Variants in COPB1 observed in about 807,000 individuals in gnomAD.
COPB1 encodes the protein coatomer subunit beta.
In COPB1, 21 loss-of-function variants were observed where a neutral mutation model predicts 108.7. The observed-to-expected ratio is 0.19, with a 90% CI of 0.14 to 0.28. The LOEUF is 0.28. COPB1 is among the 10% of genes least tolerant of loss of function. COPB1 has a pLI of 1.00. For missense variants in COPB1, 919 were observed against 1,141.3 expected, an observed-to-expected ratio of 0.81 and a Z score of 2.81; for synonymous variants, 378 against 386.8, an observed-to-expected ratio of 0.98 and a Z score of 0.27.
chr11:14,470,309 A>T (rs1850371633), intron 14 of COPB1, among the ~76,000 whole-genome samples: 1 of 152,128 alleles, frequency 6.6e-6, no homozygotes, highest in Admixed American at 6.5e-5. Flanking sequence ...GATGTTTTGT[A>T]TTTCACCCTG....
At chr11:14,469,642 A>G (rs914716752) in intron 14 of COPB1, 79 bp from the exon 15 acceptor site, 2 of 1,216,006 alleles carry the variant, frequency 1.6e-6, no homozygotes. Context: ...ATAACTCACA[A>G]TCTAAATTTT....
chr11:14,481,837 G>A (rs1421135872), intron 8 of COPB1, among the ~76,000 whole-genome samples: 1 of 151,886 alleles, frequency 6.6e-6, no homozygotes, highest in African/African-American at 2.4e-5. Context: ...CACCCAGGCT[G>A]GAGTGCAGTG....
At chr11:14,474,640 A>C (rs750625763) in intron 13 of COPB1, 25 bp from the exon 14 acceptor site, 1 of 1,611,796 alleles carries the variant, frequency 6.2e-7, no homozygotes, top group Non-Finnish European at 8.5e-7. Context: ...AGGAAAATCA[A>C]ACCCACCAAC....
chr11:14,490,477 A>T, intron 5 of COPB1, 88 bp downstream of exon 5: 1 of 704,454 alleles, frequency 1.4e-6, no homozygotes, highest in Non-Finnish European at 2.2e-6. Context: ...AAACAAAATT[A>T]CTGACTAAAA....
chr11:14,490,700 A>G, intron 4 of COPB1, 21 bp from the exon 5 acceptor site: 2 of 1,312,622 alleles, frequency 1.5e-6, no homozygotes, highest in Non-Finnish European at 2.2e-6. Flanking sequence ...AACAGGTAAC[A>G]TCCATATTTA....
At chr11:14,495,181 A>T (rs1410406936) in intron 2 of COPB1, among the ~76,000 whole-genome samples, 1 of 152,246 alleles carries the variant, frequency 6.6e-6, no homozygotes. Context: ...CACCATTATC[A>T]TTGCATACTG....
In COPB1 at chr11:14,470,899, T is replaced by TACACACAC. The variant is rs56957263; in HGVS notation, c.1738-1344_1738-1337dup. On this transcript the variant is annotated intron_variant, in intron 14 of 21. Transcript: ENST00000439561. ...GAAAATCTAAAACCAGTGGAAGAAATACACACACACACACACACACACACA... is the reference window on the plus strand; with the variant it reads ...GAAAATCTAAAACCAGTGGAAGAAATACACACACACACACACACACACACACACACACA... Among the ~76,000 whole-genome samples the TACACACAC allele has an allele frequency of 3.1e-3, 421 of 134,840 alleles. 1 individual carries two copies. The highest frequency in any genetic ancestry group is 7.9e-3 in the East Asian group (37 of 4,670). The allele number at this position is 134,840 out of a possible 152,430, so 88.5% of individuals were successfully genotyped here. A position where few individuals can be genotyped will look rare whatever the true frequency, so the allele number is the denominator to read the frequency against.
chr11:14,485,549 T>C (rs904304758), intron 7 of COPB1, among the ~76,000 whole-genome samples: 1 of 152,170 alleles, frequency 6.6e-6, no homozygotes, highest in African/African-American at 2.4e-5. Context: ...ACACAGTTGA[T>C]TAAAACATGT....
chr11:14,487,289 T>G (rs371854800), intron 6 of COPB1, among the ~76,000 whole-genome samples: 159 of 152,296 alleles, frequency 1.0e-3, no homozygotes, highest in African/African-American at 3.6e-3. Context: ...TTATTTCCTT[T>G]TACTATAACA....
At chr11:14,493,853 T>C (rs1223957185) in intron 3 of COPB1, 42 bp from the exon 4 acceptor site, 1 of 1,452,410 alleles carries the variant, frequency 6.9e-7, no homozygotes, top group Non-Finnish European at 9.2e-7. Context: ...GTTTCAGCTT[T>C]TTACAAAAAG....
chr11:14,470,415 A>C (rs1284116921), intron 14 of COPB1, among the ~76,000 whole-genome samples: 1 of 152,196 alleles, frequency 6.6e-6, no homozygotes, highest in Admixed American at 6.5e-5. Context: ...ATACTGCACC[A>C]ATCATTTCAT....
intron 12 of COPB1, 149 bp from the exon 13 acceptor site, chr11:14,476,094 G>T: frequency 1.6e-6 from 1 of 644,902 alleles, no homozygotes; most frequent in South Asian, 2.4e-5. Context: ...TTCCTTCCCA[G>T]GATAATGTAG....
chr11:14,467,657 T>C (rs1488568713), intron 16 of COPB1, among the ~76,000 whole-genome samples: 1 of 152,174 alleles, frequency 6.6e-6, no homozygotes, highest in Non-Finnish European at 1.5e-5. Context: ...GGGATGGATA[T>C]ATGGATAAAC....
In COPB1 at chr11:14,457,770, C is replaced by CTTA; in HGVS notation, c.*53_*54insTAA. ...AAAGAGTACAAAAGATGTTGGAGTC[C>CTTA]AGTAAGCCCATACCTAAATTAACTG... On this transcript the variant is annotated 3_prime_UTR_variant, in exon 22 of 22. Coordinates refer to ENST00000439561, the MANE Select transcript of COPB1 (RefSeq NM_001144061.2). 9.1e-7 allele frequency: 1 copy of CTTA among 1,101,214 alleles called. No individual in the cohort carries two copies. The highest frequency in any genetic ancestry group is 1.7e-5 in the Admixed American group (1 of 57,716). 68.2% of individuals were successfully genotyped at this position (1,101,214 alleles called of 1,614,324 possible). A position where few individuals can be genotyped will look rare whatever the true frequency, so the allele number is the denominator to read the frequency against.
chr11:14,494,246 TAA>T lies in COPB1; in HGVS notation c.283_284del (p.Leu95ThrfsTer2). 1 of 1,613,542 alleles carries T rather than the reference TAA, an allele frequency of 6.2e-7. No homozygotes were observed. The highest frequency in any genetic ancestry group is 8.5e-7 in the Non-Finnish European group (1 of 1,179,632). ...CATCACATACAAGGATCATCTCATGTAAAAGTCTCCCATCTGGAGTTGTTTTA... is the reference window on the plus strand; with the variant it reads ...CATCACATACAAGGATCATCTCATGTAAGTCTCCCATCTGGAGTTGTTTTA... Reference protein sequence around the residue: ...VPKTTPDGRLLHEMILVCDAY... With the variant: ...VPKTTPDGRLXHEMILVCDAY... On this transcript the variant is annotated frameshift_variant, in exon 3 of 22. Transcript: ENST00000439561. LOFTEE classifies it high-confidence loss of function.
At chr11:14,461,159 A>G in intron 19 of COPB1, 27 bp downstream of exon 19, 2 of 1,613,884 alleles carry the variant, frequency 1.2e-6, no homozygotes, top group South Asian at 1.1e-5. Flanking sequence ...AGATAAAGGA[A>G]TATGAGAAAA....
At chr11:14,466,463 G>A in intron 16 of COPB1, 37 bp from the exon 17 acceptor site, 1 of 1,588,562 alleles carries the variant, frequency 6.3e-7, no homozygotes, top group African/African-American at 1.3e-5. Context: ...TCAAATGACA[G>A]ATGCAATTTC....
At chr11:14,482,100 C>G (rs1850673433) in intron 8 of COPB1, among the ~76,000 whole-genome samples, 1 of 152,054 alleles carries the variant, frequency 6.6e-6, no homozygotes, top group Non-Finnish European at 1.5e-5. Flanking sequence ...CCCACATTTG[C>G]TCTTTACTGC....
intron 17 of COPB1, among the ~76,000 whole-genome samples, chr11:14,465,567 G>A (rs1850265817): frequency 6.6e-6 from 1 of 152,138 alleles, no homozygotes; most frequent in Non-Finnish European, 1.5e-5. Flanking sequence ...TTCTCAAAAA[G>A]CTTAAGTCTT....
Sources: allele counts gnomAD v4.1 joint callset (sites outside exome capture counted in the v4.1 genomes callset), GRCh38; gene constraint gnomAD v4.1.1; transcripts MANE v1.5; gene names NCBI Gene and HGNC (gene_info 2026-07-23, HGNC 2026-07-21).